PRKCQ: variants seen among roughly 807,000 people sequenced by gnomAD.
PRKCQ encodes protein kinase C theta type.
In PRKCQ, 41 loss-of-function variants were observed where a neutral mutation model predicts 91.2. That is an observed-to-expected ratio of 0.45 (90% confidence interval 0.35 to 0.58). The LOEUF is 0.58. PRKCQ is among the 20% of genes least tolerant of loss of function. The pLI, the probability that PRKCQ is intolerant of heterozygous loss-of-function variation, is 0.00. For synonymous variants in PRKCQ, 307 were observed against 316.9 expected, an observed-to-expected ratio of 0.97 and a Z score of 0.33; for missense variants, 673 against 896.5, an observed-to-expected ratio of 0.75 and a Z score of 3.18.
At chr10:6,456,638 T>C (rs1394113666) in intron 15 of PRKCQ, 36 bp downstream of exon 15, 2 of 1,610,802 alleles carry the variant, frequency 1.2e-6, no homozygotes, top group South Asian at 1.1e-5. Context: ...GGCCAGGGCA[T>C]GGTGAGGTGG....
At position 6,462,342 on chromosome 10, in the gene PRKCQ, A is replaced by G. The variant is rs1349915375; in HGVS notation, c.1469T>C (p.Leu490Pro). The G allele has an allele frequency of 6.2e-7, 1 of 1,614,082 alleles. No individual in the cohort carries two copies. The highest frequency in any genetic ancestry group is 8.5e-7 in the Non-Finnish European group (1 of 1,179,952). ...RATFYAAEIILGLQFLHSKGI... is the reference protein window; with the variant it reads ...RATFYAAEIIPGLQFLHSKGI... ...TTTGGAATGAAGGAACTGCAGACCA[A>G]GAATGATTTCAGCAGCATAAAACCT... Residue 490 changes from leucine (L) to proline (P), a missense_variant, in exon 14 of 18, where the codon CTT (leucine) becomes CCT (proline). Leu to Pro is a moderately conservative substitution (Grantham distance 98, BLOSUM62 -3). Transcript: ENST00000263125.
the PRKCQ span, among the ~76,000 whole-genome samples, chr10:6,394,662 GT>G: frequency 1.4e-5 from 2 of 143,912 alleles, no homozygotes; most frequent in South Asian, 2.1e-4. Flanking sequence ...TGGGTCAGCT[GT>G]TGAACTGATG....
chr10:6,489,498 C>CTAAG, intron 8 of PRKCQ: 1 of 524,188 alleles, frequency 1.9e-6, no homozygotes, highest in Non-Finnish European at 3.9e-6. Flanking sequence ...GGGTAAAAGG[C>CTAAG]TAAGGAGGCC....
Position 6,485,186 on chromosome 10 carries a change from T to G in PRKCQ, c.984A>C (p.Ala328=), listed in dbSNP as rs772534592. ...CCGGTGTCGGTAAACATGGCGGCCT[T>G]GCTTCATTTTTGATGGAGCATGGGA... The part of the protein sequence containing the change: ...IGLPCSIKNE[A]RPPCLPTPGK... The change falls in exon 10 of 18, where the codon GCA becomes GCC. Residue 328 remains alanine (A), a synonymous_variant. Transcript: ENST00000263125. The G allele has an allele frequency of 3.7e-6, 6 of 1,613,978 alleles. No homozygotes were observed. The highest frequency in any genetic ancestry group is 4.2e-6 in the Non-Finnish European group (5 of 1,180,010).
chr10:6,511,175 G>C lies in PRKCQ; in HGVS notation c.138C>G (p.Ile46Met). The change falls in exon 3 of 18, where the codon ATC (isoleucine) becomes ATG (methionine). Residue 46 changes from isoleucine (I) to methionine (M), a missense_variant. Physicochemically the swap from Ile to Met is conservative, Grantham distance 10. Coordinates refer to ENST00000263125, the MANE Select transcript of PRKCQ (RefSeq NM_006257.5). ...GTGGGTACATGGTAGGCTTTTTCTGGATATACATCTGCCCGTTCTCTAGGA... is the reference window on the plus strand; with the variant it reads ...GTGGGTACATGGTAGGCTTTTTCTGCATATACATCTGCCCGTTCTCTAGGA... Reference protein sequence around the residue: ...YVESENGQMYIQKKPTMYPPW... With the variant: ...YVESENGQMYMQKKPTMYPPW... The C allele has an allele frequency of 1.9e-6, 3 of 1,613,982 alleles. No homozygotes were observed. The highest frequency in any genetic ancestry group is 2.5e-6 in the Non-Finnish European group (3 of 1,179,982).
intron 17 of PRKCQ, 76 bp from the exon 18 acceptor site, chr10:6,428,438 C>T (rs763731221): frequency 6.6e-7 from 1 of 1,520,572 alleles, no homozygotes; most frequent in Non-Finnish European, 8.9e-7. Context: ...CTTTTGTTAT[C>T]TAGGCCGTGA....
At chr10:6,471,264 C>T (rs2130738212) in intron 12 of PRKCQ, among the ~76,000 whole-genome samples, 1 of 152,274 alleles carries the variant, frequency 6.6e-6, no homozygotes, top group East Asian at 1.9e-4. Flanking sequence ...GTATTATTTA[C>T]ATAGACAAGG....
intron 12 of PRKCQ, among the ~76,000 whole-genome samples, chr10:6,469,026 T>C (rs1835830703): frequency 6.6e-6 from 1 of 152,242 alleles, no homozygotes; most frequent in Non-Finnish European, 1.5e-5. Flanking sequence ...CCTTATGTAT[T>C]AACTTTATCA....
In PRKCQ at chr10:6,427,213, A is replaced by G. The variant is rs991863039; in HGVS notation, c.*994T>C. 10 of 152,174 alleles carry G rather than the reference A, an allele frequency of 6.6e-5. No homozygotes were observed. The highest frequency in any genetic ancestry group is 1.5e-4 in the Non-Finnish European group (10 of 68,036). 9.4% of individuals were successfully genotyped at this position (152,174 alleles called of 1,614,324 possible). A position where few individuals can be genotyped will look rare whatever the true frequency, so the allele number is the denominator to read the frequency against. On this transcript the variant is annotated 3_prime_UTR_variant, in exon 18 of 18. Transcript: ENST00000263125. ...GCCATGAAGTCACAACATTTTATCA[A>G]AATATACACACAGCACAAATACCTT... is the stretch of plus-strand genomic sequence containing the variant.
chr10:6,401,713 G>A, the PRKCQ span, among the ~76,000 whole-genome samples: 2 of 152,132 alleles, frequency 1.3e-5, no homozygotes, highest in Non-Finnish European at 2.9e-5. Context: ...GCTGTCTGCT[G>A]GGAGCTGTTG....
chr10:6,401,761 C>G, the PRKCQ span, among the ~76,000 whole-genome samples: 1 of 152,152 alleles, frequency 6.6e-6, no homozygotes, highest in Non-Finnish European at 1.5e-5. Context: ...CCCGATAATT[C>G]TACATGGCTC....
intron 14 of PRKCQ, 58 bp from the exon 15 acceptor site, chr10:6,456,870 A>G: frequency 6.3e-7 from 1 of 1,584,902 alleles, no homozygotes; most frequent in South Asian, 1.1e-5. Context: ...GTTAACATAA[A>G]ATTCCATAGG....
the PRKCQ span, among the ~76,000 whole-genome samples, chr10:6,395,177 C>T: frequency 6.6e-5 from 10 of 151,638 alleles, no homozygotes; most frequent in Non-Finnish European, 1.5e-4. Context: ...CATTCTCCCG[C>T]TTCAGCCTCC....
chr10:6,532,951 T>C (rs562100757), intron 1 of PRKCQ, among the ~76,000 whole-genome samples: 1 of 152,184 alleles, frequency 6.6e-6, no homozygotes, highest in South Asian at 2.1e-4. Flanking sequence ...TTTTTCATAT[T>C]CCCCCCTGAA....
chr10:6,457,663 T>A (rs1158684878), intron 14 of PRKCQ, among the ~76,000 whole-genome samples: 1 of 152,176 alleles, frequency 6.6e-6, no homozygotes, highest in Non-Finnish European at 1.5e-5. Flanking sequence ...TGGCTCAGAA[T>A]GAAGCCAGAA....
the PRKCQ span, among the ~76,000 whole-genome samples, chr10:6,402,331 T>C: frequency 8.1e-6 from 1 of 123,306 alleles, no homozygotes; most frequent in Admixed American, 9.4e-5. Flanking sequence ...GAACTTAAAC[T>C]ATAATTTTAA....
At chr10:6,437,594 C>G (rs1395771569) in intron 16 of PRKCQ, among the ~76,000 whole-genome samples, 1 of 152,154 alleles carries the variant, frequency 6.6e-6, no homozygotes, top group African/African-American at 2.4e-5. Flanking sequence ...AGTGTTTGAA[C>G]CTGCCTTTAT....
chr10:6,505,601 C>CCT (rs1475271384), intron 4 of PRKCQ, among the ~76,000 whole-genome samples: 1 of 131,304 alleles, frequency 7.6e-6, no homozygotes, highest in African/African-American at 2.6e-5. Context: ...TCTCTCTCAC[C>CCT]CTCTCTCTCT....
chr10:6,485,250 G>C lies in PRKCQ; in HGVS notation c.920C>G (p.Thr307Ser). The change falls in exon 10 of 18, where the codon ACT becomes AGT. Residue 307 changes from threonine to serine, a missense_variant. Transcript: ENST00000263125. ...STQQARCLRD[T>S]EQIFREGPVE... ...CGGACCTTCTCTGAAGATCTGTTCA[G>C]TATCTCTTAAGCAGCGAGCCTGGAT... 1 of 1,613,994 alleles carries C rather than the reference G, an allele frequency of 6.2e-7. No individual in the cohort carries two copies.
Sources: gnomAD v4.1 joint callset for allele counts (sites outside exome capture counted in the v4.1 genomes callset) on GRCh38, gnomAD v4.1.1 for gene constraint, MANE v1.5 for transcripts, NCBI Gene and HGNC (gene_info 2026-07-23, HGNC 2026-07-21) for gene names.